Variants in SUMF1 observed in about 807,000 individuals in gnomAD.
The protein encoded by SUMF1 is formylglycine-generating enzyme.
SUMF1 carries 48 observed loss-of-function variants against 47.6 expected under a neutral mutation model. That is an observed-to-expected ratio of 1.01 (90% CI 0.80 to 1.28). SUMF1 has a LOEUF of 1.28. SUMF1 is among the 50% of genes most tolerant of loss of function. The pLI, the probability that SUMF1 is intolerant of heterozygous loss-of-function variation, is 0.00. For synonymous variants in SUMF1, 230 were observed against 192.1 expected (o/e 1.20, Z -1.63); for missense variants, 571 against 485.4 (o/e 1.18, Z -1.66).
chr3:4,457,519 G>T (rs1453072681), intron 1 of SUMF1, among the ~76,000 whole-genome samples: 9 of 151,982 alleles, frequency 5.9e-5, no homozygotes, highest in Non-Finnish European at 1.0e-4. Flanking sequence ...TAATCAAATG[G>T]CATGGTACTG....
intron 8 of SUMF1, among the ~76,000 whole-genome samples, chr3:4,144,290 T>C (rs1694144943): frequency 6.6e-6 from 1 of 152,042 alleles, no homozygotes; most frequent in Non-Finnish European, 1.5e-5. Context: ...TAGTGGTAGT[T>C]TGGGAAACAA....
intron 8 of SUMF1, among the ~76,000 whole-genome samples, chr3:4,079,942 C>T (rs1692523791): frequency 6.6e-6 from 1 of 151,774 alleles, no homozygotes; most frequent in Non-Finnish European, 1.5e-5. Flanking sequence ...TCTTCTTGCC[C>T]TGGCTCTGCC....
At chr3:4,121,273 A>G (rs1295273693) in intron 8 of SUMF1, among the ~76,000 whole-genome samples, 1 of 152,174 alleles carries the variant, frequency 6.6e-6, no homozygotes, top group African/African-American at 2.4e-5. Context: ...AACTGAGTCC[A>G]AAATGATTAA....
chr3:4,210,859 G>T (rs371819831), intron 8 of SUMF1, among the ~76,000 whole-genome samples: 2 of 151,662 alleles, frequency 1.3e-5, no homozygotes, highest in Admixed American at 1.3e-4. Flanking sequence ...TGATCTGGGT[G>T]GGCACCACCT....
chr3:4,313,176 GA>G (rs1559217748), intron 8 of SUMF1: 1 of 1,614,034 alleles, frequency 6.2e-7, no homozygotes, highest in Non-Finnish European at 8.5e-7. Flanking sequence ...AAGTGTTCAA[GA>G]CGCATAAAAA....
At chr3:4,171,123 A>G (rs542752210) in intron 8 of SUMF1, among the ~76,000 whole-genome samples, 1 of 152,336 alleles carries the variant, frequency 6.6e-6, no homozygotes, top group East Asian at 1.9e-4. Context: ...GAGAGAGGAT[A>G]CTTTATGGCT....
chr3:4,071,038 T>C (rs978450284), intron 8 of SUMF1, among the ~76,000 whole-genome samples: 2 of 152,140 alleles, frequency 1.3e-5, no homozygotes, highest in Non-Finnish European at 2.9e-5. Flanking sequence ...TGTGTAGTAT[T>C]TTCACTGTTC....
chr3:4,084,397 T>C (rs1692629913), intron 8 of SUMF1, among the ~76,000 whole-genome samples: 1 of 152,060 alleles, frequency 6.6e-6, no homozygotes, highest in African/African-American at 2.4e-5. Context: ...TGCCTGTGAG[T>C]TTTCCTCCAC....
intron 8 of SUMF1, among the ~76,000 whole-genome samples, chr3:4,257,252 T>G (rs62258159): frequency 0.037 from 2,115 of 57,452 alleles, no homozygotes; most frequent in South Asian, 0.074. Flanking sequence ...TGTTGGAAGT[T>G]CTGGCCAGGG....
At chr3:4,359,879 C>T (rs760397488), downstream of SUMF1, among the ~76,000 whole-genome samples, 1 of 152,120 alleles carries the variant, frequency 6.6e-6, no homozygotes, top group Non-Finnish European at 1.5e-5. Flanking sequence ...TGGCCTCAAA[C>T]GATCCTCTCG....
At chr3:4,429,278 G>A (rs1702163335) in intron 3 of SUMF1, among the ~76,000 whole-genome samples, 1 of 152,252 alleles carries the variant, frequency 6.6e-6, no homozygotes, top group African/African-American at 2.4e-5. Flanking sequence ...GTACACCCAA[G>A]ATGAAGGTAT....
chr3:4,066,567 C>T (rs1354183613), intron 9 of SUMF1, among the ~76,000 whole-genome samples: 1 of 152,112 alleles, frequency 6.6e-6, no homozygotes, highest in Non-Finnish European at 1.5e-5. Flanking sequence ...CTCACCAGAT[C>T]GGTGAGATGC....
chr3:4,093,412 C>T lies in SUMF1; in HGVS notation c.1015-24667G>A, dbSNP rs546656802. 8.5e-5 allele frequency among the ~76,000 whole-genome samples: 13 copies of T among 152,118 alleles called. No homozygotes were observed. The South Asian group carries it at 2.7e-3, about 32-fold the overall frequency. On this transcript the variant is annotated intron_variant and NMD_transcript_variant, in intron 8 of 12. Coordinates refer to the SUMF1 transcript ENST00000448413. ...GACAAATCAATAATTCACCGTGACA[C>T]ATATTGTACCAAAGCTTTGCAAATA...
chr3:4,366,233 C>G (rs1390714806), intron 8 of SUMF1, among the ~76,000 whole-genome samples: 1 of 151,926 alleles, frequency 6.6e-6, no homozygotes, highest in Non-Finnish European at 1.5e-5. Context: ...TTGTGGTGTT[C>G]TCTGTATTTC....
chr3:4,224,298 G>A (rs1696128976), intron 8 of SUMF1, among the ~76,000 whole-genome samples: 1 of 152,110 alleles, frequency 6.6e-6, no homozygotes, highest in Non-Finnish European at 1.5e-5. Context: ...CCTTCAAAGT[G>A]TCAACAGATG....
intron 8 of SUMF1, among the ~76,000 whole-genome samples, chr3:4,090,907 T>G (rs1360787233): frequency 6.6e-6 from 1 of 151,912 alleles, no homozygotes; most frequent in East Asian, 1.9e-4. Context: ...CGGTGAAACC[T>G]CATCTCTACT....
chr3:4,183,166 G>T (rs1166558830), intron 8 of SUMF1, among the ~76,000 whole-genome samples: 1 of 152,150 alleles, frequency 6.6e-6, no homozygotes, highest in Non-Finnish European at 1.5e-5. Flanking sequence ...TAAAAGCTTG[G>T]TGTCAGAGGC....
chr3:4,455,502 G>A (rs1703129168), intron 1 of SUMF1, among the ~76,000 whole-genome samples: 1 of 152,190 alleles, frequency 6.6e-6, no homozygotes, highest in Non-Finnish European at 1.5e-5. Context: ...GATCACCTGA[G>A]GTCAAGAATT....
chr3:4,303,802 C>A, intron 8 of SUMF1: 2 of 1,404,008 alleles, frequency 1.4e-6, no homozygotes, highest in Non-Finnish European at 1.9e-6. Context: ...CCAGTCCTGT[C>A]CTCAGAACTC....
Sources: gnomAD v4.1 joint callset for allele counts (sites outside exome capture counted in the v4.1 genomes callset) on GRCh38, gnomAD v4.1.1 for gene constraint, MANE v1.5 for transcripts, NCBI Gene and HGNC (gene_info 2026-07-23, HGNC 2026-07-21) for gene names.